The following LNP1 variants were observed in gnomAD, a reference collection of about 807,000 sequenced individuals.
LNP1 encodes leukemia NUP98 fusion partner 1.
A neutral mutation model predicts 14.5 loss-of-function variants in LNP1; 12 were observed. The observed-to-expected ratio is 0.83, with a 90% CI of 0.53 to 1.34. LNP1 has a LOEUF of 1.34. LNP1 is among the 40% of genes most tolerant of loss of function. LNP1 has a pLI of 0.00. For synonymous variants in LNP1, 75 were observed against 71.4 expected (o/e 1.05, Z -0.26); for missense variants, 198 against 210.9 (o/e 0.94, Z 0.38).
intron 1 of LNP1, among the ~76,000 whole-genome samples, chr3:100,426,754 C>CT (rs1483713345): frequency 6.6e-6 from 1 of 152,008 alleles, no homozygotes; most frequent in Non-Finnish European, 1.5e-5. Flanking sequence ...GATTTCAGTA[C>CT]TTAAATACTC....
intron 2 of LNP1, among the ~76,000 whole-genome samples, chr3:100,445,632 C>T (rs540413266): frequency 2.5e-4 from 38 of 152,168 alleles, no homozygotes; most frequent in African/African-American, 8.9e-4. Flanking sequence ...AAACCAAAAC[C>T]TAATAGTATT....
intron 2 of LNP1, among the ~76,000 whole-genome samples, chr3:100,437,050 A>G (rs1707300094): frequency 6.6e-6 from 1 of 152,236 alleles, no homozygotes; most frequent in South Asian, 2.1e-4. Flanking sequence ...AACTGTGAGA[A>G]ACAAATTTCT....
intron 1 of LNP1, 83 bp from the exon 2 acceptor site, chr3:100,429,614 A>G: frequency 1.1e-6 from 1 of 872,200 alleles, no homozygotes; most frequent in South Asian, 1.8e-5. Flanking sequence ...TTTTAAAAAG[A>G]CCAGTTTCAT....
intron 2 of LNP1, among the ~76,000 whole-genome samples, chr3:100,437,646 G>T (rs1707304478): frequency 6.6e-6 from 1 of 152,102 alleles, no homozygotes; most frequent in African/African-American, 2.4e-5. Context: ...CTCATTTGTA[G>T]TCCTCTTGGC....
At chr3:100,429,615 C>T in intron 1 of LNP1, 82 bp from the exon 2 acceptor site, 1 of 877,910 alleles carries the variant, frequency 1.1e-6, no homozygotes, top group Non-Finnish European at 1.8e-6. Flanking sequence ...TTTAAAAAGA[C>T]CAGTTTCATT....
chr3:100,449,352 G>A (rs994383541), intron 2 of LNP1, among the ~76,000 whole-genome samples: 1 of 151,960 alleles, frequency 6.6e-6, no homozygotes, highest in Non-Finnish European at 1.5e-5. Context: ...AATAAATCAG[G>A]TGACACAGTA....
At chr3:100,421,783 C>T (rs1399494982) in intron 1 of LNP1, among the ~76,000 whole-genome samples, 1 of 151,980 alleles carries the variant, frequency 6.6e-6, no homozygotes, top group Non-Finnish European at 1.5e-5. Context: ...CCATAAAGAC[C>T]TTATTCCTGC....
chr3:100,409,956 CATCTATCTATCTATCTATCT>C (rs71625560), intron 1 of LNP1, among the ~76,000 whole-genome samples: 1 of 149,406 alleles, frequency 6.7e-6, no homozygotes, highest in African/African-American at 2.5e-5. Flanking sequence ...ACATAGCTTA[CATCTATCTATCTATCTATCT>C]ATCTATCTAT....
intron 2 of LNP1, among the ~76,000 whole-genome samples, chr3:100,438,659 T>G (rs1057258250): frequency 6.6e-6 from 1 of 152,198 alleles, no homozygotes; most frequent in Non-Finnish European, 1.5e-5. Flanking sequence ...TGCATGGGAT[T>G]TTCTTTGACA....
At chr3:100,416,718 AT>A (rs3082702) in intron 1 of LNP1, among the ~76,000 whole-genome samples, 24,252 of 110,322 alleles carry the variant, frequency 0.22, 3,258 homozygotes, top group East Asian at 0.52. Flanking sequence ...TTTTGTTTTG[AT>A]TTTTTTTTTT....
intron 2 of LNP1, among the ~76,000 whole-genome samples, chr3:100,445,015 G>A (rs1404814150): frequency 1.3e-5 from 2 of 152,202 alleles, no homozygotes; most frequent in African/African-American, 2.4e-5. Flanking sequence ...GCTCATGCCT[G>A]TAATCCCAGC....
chr3:100,438,470 A>C (rs1180964786), intron 2 of LNP1, among the ~76,000 whole-genome samples: 3 of 152,140 alleles, frequency 2.0e-5, no homozygotes, highest in Admixed American at 2.0e-4. Context: ...CTGACACATC[A>C]TTATCACCCA....
At chr3:100,455,506 C>T (rs1707501722) in intron 3 of LNP1, among the ~76,000 whole-genome samples, 1 of 152,154 alleles carries the variant, frequency 6.6e-6, no homozygotes, top group African/African-American at 2.4e-5. Context: ...AAATCACACC[C>T]CTCAGTATGT....
At position 100,409,094 on chromosome 3, in the gene LNP1, C is replaced by A. The variant is rs1032524852; in HGVS notation, c.-34+6655C>A. Among the ~76,000 whole-genome samples, 4 of 152,090 alleles carry A rather than the reference C, an allele frequency of 2.6e-5. No individual in the cohort carries two copies. In the South Asian group the frequency reaches 8.3e-4, roughly 32 times the overall value. On this transcript the variant is annotated intron_variant, in intron 1 of 3. Coordinates refer to ENST00000383693, the MANE Select transcript of LNP1 (RefSeq NM_001085451.2). The stretch of plus-strand genomic sequence containing the variant: ...GGCAGAGTGAGTAAAGCAGATTGCC[C>A]TCAGTGTGGTTGGCCCTCATTCAAT...
chr3:100,412,301 T>A (rs983923642), intron 1 of LNP1, among the ~76,000 whole-genome samples: 2 of 152,144 alleles, frequency 1.3e-5, no homozygotes, highest in Non-Finnish European at 2.9e-5. Context: ...ACCGTGAGAA[T>A]AGCACCAAGC....
rs183655518 is a variant in LNP1 at position 100,414,149 on chromosome 3, C to G, written c.-34+11710C>G. 2.6e-4 allele frequency among the ~76,000 whole-genome samples: 39 copies of G among 152,242 alleles called. No individual in the cohort carries two copies. The South Asian group carries it at 4.4e-3, about 17-fold the overall frequency. On this transcript the variant is annotated intron_variant, in intron 1 of 3. Transcript: ENST00000383693. ...TATTACATATCATAATTTTGTTGCT[C>G]AGGAATTTGGACGTGGCTCCTCTGG...
rs1706920680 is a variant in LNP1, at chr3:100,402,452, T to C, written c.-34+13T>C. The C allele has an allele frequency of 6.6e-6, 1 of 152,190 alleles. No individual in the cohort carries two copies. Among genetic ancestry groups the C allele is most frequent in the Non-Finnish European group, 1.5e-5 (1 of 68,030 alleles). 9.4% of individuals were successfully genotyped at this position (152,190 alleles called of 1,614,324 possible). A position where few individuals can be genotyped will look rare whatever the true frequency, so the allele number is the denominator to read the frequency against. On this transcript the variant is annotated intron_variant, in intron 1 of 3. Transcript: ENST00000383693. ...TCTCCTGCTTCATGTAAGTTCCTAT[T>C]AGTAAATTGCCTTCAGGCAATAGGG...
chr3:100,447,424 G>A (rs1404699443), intron 2 of LNP1, among the ~76,000 whole-genome samples: 3 of 151,928 alleles, frequency 2.0e-5, no homozygotes, highest in South Asian at 2.1e-4. Flanking sequence ...ACAGTGGGGG[G>A]AACATCACAT....
chr3:100,429,154 C>G (rs1490359331), intron 1 of LNP1, among the ~76,000 whole-genome samples: 1 of 152,164 alleles, frequency 6.6e-6, no homozygotes, highest in Non-Finnish European at 1.5e-5. Context: ...ATTTAAAAAA[C>G]TACTCCTTTT....
Sources: gnomAD v4.1 joint callset for allele counts (sites outside exome capture counted in the v4.1 genomes callset) on GRCh38, gnomAD v4.1.1 for gene constraint, MANE v1.5 for transcripts, NCBI Gene and HGNC (gene_info 2026-07-23, HGNC 2026-07-21) for gene names.